The following CLASP2 variants were observed in gnomAD, a reference collection of about 807,000 sequenced individuals.
CLASP2 encodes cytoplasmic linker associated protein 2.
Under a neutral mutation model 194.4 loss-of-function variants are expected in CLASP2, and 47 were observed. The ratio of observed to expected loss-of-function variants is 0.24; its 90% CI spans 0.19 to 0.31. The LOEUF is 0.31. Among genes scored for constraint, CLASP2 ranks in the 10% least tolerant of loss-of-function variants. CLASP2 has a pLI of 1.00. For missense variants in CLASP2, 1,445 were observed against 1,823.6 expected (o/e 0.79, Z 3.78); for synonymous variants, 619 against 633.5 (o/e 0.98, Z 0.34).
intron 28 of CLASP2, among the ~76,000 whole-genome samples, 200 bp downstream of exon 28, chr3:33,560,608 T>TA (rs1006644654): frequency 9.9e-5 from 15 of 151,354 alleles, no homozygotes; most frequent in Admixed American, 2.6e-4. Context: ...ACAATTTTTA[T>TA]AAAAAAAAAT....
At chr3:33,575,233 G>A (rs762713428) in intron 24 of CLASP2, among the ~76,000 whole-genome samples, 4 of 152,048 alleles carry the variant, frequency 2.6e-5, no homozygotes, top group South Asian at 2.1e-4. Context: ...CTGAAGTAAC[G>A]GGAAAAATTC....
chr3:33,696,467 CTT>C (rs527665599), intron 2 of CLASP2, among the ~76,000 whole-genome samples: 10 of 117,936 alleles, frequency 8.5e-5, no homozygotes, highest in Admixed American at 1.9e-4. Context: ...CATAACATTA[CTT>C]TTTTTTTTTT....
At chr3:33,717,779 A>G in intron 1 of CLASP2, 29 bp downstream of exon 1, 7 of 1,547,222 alleles carry the variant, frequency 4.5e-6, no homozygotes, top group Non-Finnish European at 6.1e-6. Flanking sequence ...GGAGGGCGTG[A>G]CCAGCCCAGC....
chr3:33,545,023 CT>C (rs879492911), intron 30 of CLASP2, 182 bp from the exon 31 acceptor site: 28,454 of 334,952 alleles, frequency 0.085, no homozygotes, highest in Middle Eastern at 0.14. Context: ...ATTGACCTAC[CT>C]TTTTTTTTTT....
intron 7 of CLASP2, among the ~76,000 whole-genome samples, chr3:33,652,940 C>A (rs1055720750): frequency 6.0e-4 from 92 of 152,208 alleles, no homozygotes; most frequent in Non-Finnish European, 3.8e-4. Flanking sequence ...CACTCCTAAT[C>A]TAAGGCCAGA....
At chr3:33,644,495 A>C in intron 8 of CLASP2, 1 of 450,454 alleles carries the variant, frequency 2.2e-6, no homozygotes, top group Non-Finnish European at 4.0e-6. Flanking sequence ...AAAAACTTCC[A>C]TAAATCTTTT....
At position 33,604,229 on chromosome 3, in the gene CLASP2, C is replaced by T. The variant is rs913720043; in HGVS notation, c.1695-20G>A. ...GGGCGACTGCAAAGTATAAAAAATG[C>T]TTTTAGTAAGAAGACAATTTAACAC... On this transcript the variant is annotated intron_variant, in intron 16 of 38. Coordinates refer to ENST00000682230, the MANE Select transcript of CLASP2 (RefSeq NM_001365631.1). 13 of 1,534,024 alleles carry T rather than the reference C, an allele frequency of 8.5e-6. No individual in the cohort carries two copies. The highest frequency in any genetic ancestry group is 1.4e-5 in the African/African-American group (1 of 72,366).
rs751832061 is a variant in CLASP2 at position 33,604,228 on chromosome 3, G to A, written c.1695-19C>T. 6.5e-7 allele frequency: 1 copy of A among 1,534,778 alleles called. No homozygotes were observed. Among genetic ancestry groups the A allele is most frequent in the Non-Finnish European group, 8.8e-7 (1 of 1,132,776 alleles). On this transcript the variant is annotated intron_variant, in intron 16 of 38. Coordinates refer to ENST00000682230, the MANE Select transcript of CLASP2 (RefSeq NM_001365631.1). ...AGGGCGACTGCAAAGTATAAAAAAT[G>A]CTTTTAGTAAGAAGACAATTTAACA...
At chr3:33,548,713 C>G (rs970700081) in intron 30 of CLASP2, among the ~76,000 whole-genome samples, 1 of 149,088 alleles carries the variant, frequency 6.7e-6, no homozygotes, top group African/African-American at 2.5e-5. Context: ...CAGCTTGAGA[C>G]ATTTTCTAGT....
intron 7 of CLASP2, among the ~76,000 whole-genome samples, chr3:33,651,251 C>T (rs1395490344): frequency 1.3e-5 from 2 of 151,896 alleles, no homozygotes; most frequent in Non-Finnish European, 2.9e-5. Context: ...GGCATGGTGG[C>T]GCATGCCTGT....
In CLASP2 at chr3:33,606,708, T is replaced by C; in HGVS notation, c.1577A>G (p.Tyr526Cys). Residue 526 changes from tyrosine to cysteine, a missense_variant, in exon 16 of 39, where the codon TAT becomes TGT. By Grantham distance (194) the Tyr-to-Cys change is radical. This residue lies in a region of CLASP2 where 207 missense variants were observed against 331.4 expected (regional missense o/e 0.62). Transcript: ENST00000682230. Reference sequence around the variant, plus strand: ...CTGATAAGATGGCTCAAGGGAATTATATAATGTTTCAGCTTCACCAGGAAA... The same window carrying C: ...CTGATAAGATGGCTCAAGGGAATTACATAATGTTTCAGCTTCACCAGGAAA... The part of the protein sequence containing the change: ...NHFPGEAETL[Y>C]NSLEPSYQKS... 6.2e-7 allele frequency: 1 copy of C among 1,613,464 alleles called. No individual in the cohort carries two copies. The highest frequency in any genetic ancestry group is 8.5e-7 in the Non-Finnish European group (1 of 1,179,536).
chr3:33,686,869 A>G (rs921765683), intron 5 of CLASP2, among the ~76,000 whole-genome samples, 191 bp downstream of exon 5: 33 of 152,156 alleles, frequency 2.2e-4, no homozygotes, highest in African/African-American at 8.0e-4. Context: ...ACAACTGACA[A>G]ACATAAGCAA....
intron 6 of CLASP2, among the ~76,000 whole-genome samples, chr3:33,679,365 G>A (rs2089409429): frequency 6.6e-6 from 1 of 152,134 alleles, no homozygotes; most frequent in Non-Finnish European, 1.5e-5. Context: ...CATGAACCAT[G>A]AAAGAAATAA....
At chr3:33,627,648 A>T (rs2078286390) in intron 9 of CLASP2, among the ~76,000 whole-genome samples, 1 of 152,178 alleles carries the variant, frequency 6.6e-6, no homozygotes, top group Non-Finnish European at 1.5e-5. Context: ...TAGCCAAAAT[A>T]GATAGACGTG....
chr3:33,667,406 CA>C (rs537846651), intron 6 of CLASP2, among the ~76,000 whole-genome samples: 121 of 44,124 alleles, frequency 2.7e-3, no homozygotes, highest in Middle Eastern at 0.021. Context: ...GAGACTATCT[CA>C]AAAAAAAAAA....
intron 34 of CLASP2, among the ~76,000 whole-genome samples, chr3:33,534,769 A>G (rs1473460515): frequency 6.6e-6 from 1 of 152,186 alleles, no homozygotes; most frequent in Non-Finnish European, 1.5e-5. Flanking sequence ...AACTAAGCCC[A>G]TTTCACCCAA....
At chr3:33,685,203 G>A (rs1039224420) in intron 5 of CLASP2, among the ~76,000 whole-genome samples, 3 of 148,960 alleles carry the variant, frequency 2.0e-5, no homozygotes, top group Admixed American at 6.7e-5. Context: ...TTAGCCCAGC[G>A]TGGTGGCACA....
At chr3:33,664,316 T>A (rs2085811409) in intron 6 of CLASP2, among the ~76,000 whole-genome samples, 1 of 152,126 alleles carries the variant, frequency 6.6e-6, no homozygotes, top group Non-Finnish European at 1.5e-5. Flanking sequence ...TCCAATATAT[T>A]GTGCTATGAT....
chr3:33,701,501 C>T (rs1375014679), intron 1 of CLASP2, among the ~76,000 whole-genome samples: 1 of 152,200 alleles, frequency 6.6e-6, no homozygotes, highest in East Asian at 1.9e-4. Context: ...GAGGCTGAAG[C>T]AGGAGGATTG....
Sources: gnomAD v4.1 joint callset for allele counts (sites outside exome capture counted in the v4.1 genomes callset) on GRCh38, gnomAD v4.1.1 for gene constraint, gnomAD v4.1.1 regional missense constraint, MANE v1.5 for transcripts, NCBI Gene and HGNC (gene_info 2026-07-23, HGNC 2026-07-21) for gene names.